The following GALNT14 variants were observed in gnomAD, a reference collection of about 807,000 sequenced individuals.
GALNT14 encodes polypeptide N-acetylgalactosaminyltransferase 14, also known as UDP-GalNAc:polypeptide N-acetylgalactosaminyltransferase 14.
A neutral mutation model predicts 77.5 loss-of-function variants in GALNT14; 60 were observed. The observed-to-expected ratio is 0.77, with a 90% CI of 0.63 to 0.96. GALNT14 has a LOEUF of 0.96. Among genes scored for constraint, GALNT14 ranks in the 40% least tolerant of loss-of-function variants. The probability of loss-of-function intolerance (pLI) is 0.00; values close to 1 mark genes in which losing one functional copy is unlikely to be tolerated. For synonymous variants in GALNT14, 280 were observed against 281.7 expected (o/e 0.99, Z 0.06); for missense variants, 710 against 731.0 (o/e 0.97, Z 0.33).
chr2:30,985,471 A>G (rs1669241476), intron 2 of GALNT14, among the ~76,000 whole-genome samples: 1 of 152,146 alleles, frequency 6.6e-6, no homozygotes, highest in Admixed American at 6.5e-5. Flanking sequence ...GGCCAAGACA[A>G]AAATAACTAC....
chr2:30,950,159 T>C (rs1666942164), intron 6 of GALNT14, among the ~76,000 whole-genome samples: 1 of 152,242 alleles, frequency 6.6e-6, no homozygotes, highest in Admixed American at 6.5e-5. Context: ...GAAGAATATG[T>C]AAGCTATGAT....
chr2:31,038,385 C>T (rs776428735), intron 1 of GALNT14, among the ~76,000 whole-genome samples: 6 of 151,964 alleles, frequency 3.9e-5, no homozygotes, highest in Non-Finnish European at 8.8e-5. Flanking sequence ...TGAGCCACCG[C>T]ACCCAGCATT....
intron 2 of GALNT14, among the ~76,000 whole-genome samples, chr2:30,973,821 G>C (rs1668492088): frequency 6.6e-6 from 1 of 152,112 alleles, no homozygotes; most frequent in Admixed American, 6.5e-5. Context: ...CCTCACTTTG[G>C]TTACAGAAAT....
At chr2:30,993,088 C>CA (rs2148405248) in intron 1 of GALNT14, 81 bp from the exon 2 acceptor site, 1 of 1,461,724 alleles carries the variant, frequency 6.8e-7, no homozygotes, top group East Asian at 2.4e-5. Context: ...TACCCAACCC[C>CA]AGAGACCAGG....
chr2:31,001,958 T>A (rs1473624880), intron 1 of GALNT14, among the ~76,000 whole-genome samples: 1 of 152,132 alleles, frequency 6.6e-6, no homozygotes, highest in African/African-American at 2.4e-5. Flanking sequence ...ATAATAATGA[T>A]GGAAAGTCAA....
intron 1 of GALNT14, among the ~76,000 whole-genome samples, chr2:31,000,349 T>C (rs996815391): frequency 2.6e-5 from 4 of 152,168 alleles, no homozygotes; most frequent in African/African-American, 9.7e-5. Context: ...ATGAAATTAA[T>C]AAAAGTATTA....
intron 1 of GALNT14, among the ~76,000 whole-genome samples, chr2:31,029,112 A>G (rs1672255011): frequency 6.6e-6 from 1 of 152,220 alleles, no homozygotes. Flanking sequence ...AAATTGGCCC[A>G]GAAGACAAGA....
At chr2:31,134,000 T>G (rs1679105822) in intron 1 of GALNT14, among the ~76,000 whole-genome samples, 1 of 152,190 alleles carries the variant, frequency 6.6e-6, no homozygotes. Flanking sequence ...GTAGCATGCC[T>G]TCTTCACTTC....
At chr2:31,015,041 G>A (rs937272310) in intron 1 of GALNT14, among the ~76,000 whole-genome samples, 1 of 152,184 alleles carries the variant, frequency 6.6e-6, no homozygotes, top group African/African-American at 2.4e-5. Context: ...TGTAATCCCA[G>A]CACTTTGGGA....
At chr2:30,965,070 G>A (rs77407098) in intron 3 of GALNT14, among the ~76,000 whole-genome samples, 1,935 of 152,190 alleles carry the variant, frequency 0.013, 31 homozygotes, top group African/African-American at 0.044. Context: ...GGACATGGAG[G>A]TACTGGGGGT....
At chr2:30,938,050 C>A (rs985193988) in intron 9 of GALNT14, among the ~76,000 whole-genome samples, 1 of 150,774 alleles carries the variant, frequency 6.6e-6, no homozygotes, top group Non-Finnish European at 1.5e-5. Flanking sequence ...CCCCCCACCA[C>A]ACACATACTT....
intron 1 of GALNT14, among the ~76,000 whole-genome samples, chr2:31,007,271 T>G (rs1322374852): frequency 6.6e-6 from 1 of 152,158 alleles, no homozygotes; most frequent in Non-Finnish European, 1.5e-5. Flanking sequence ...AAATCCTACA[T>G]GCCTGATCTC....
At chr2:30,993,212 C>T (rs533653143) in intron 1 of GALNT14, among the ~76,000 whole-genome samples, 1 of 152,302 alleles carries the variant, frequency 6.6e-6, no homozygotes, top group Admixed American at 6.5e-5. Context: ...ATTTTCTGAG[C>T]ACTTCTATAT....
chr2:31,078,791 G>T, intron 1 of GALNT14: 1 of 558,818 alleles, frequency 1.8e-6, no homozygotes, highest in Non-Finnish European at 2.8e-6. Flanking sequence ...CAGCATCCGA[G>T]AACAGCACAG....
chr2:30,960,091 T>C (rs1396596239), intron 3 of GALNT14, among the ~76,000 whole-genome samples: 1 of 152,176 alleles, frequency 6.6e-6, no homozygotes, highest in African/African-American at 2.4e-5. Context: ...TAGTATCAGA[T>C]GGAGAGAGGA....
At chr2:31,033,713 A>C (rs1862964) in intron 1 of GALNT14, among the ~76,000 whole-genome samples, 71,561 of 151,810 alleles carry the variant, frequency 0.47, 17,427 homozygotes, top group African/African-American at 0.6. Flanking sequence ...GTCTTTGTCC[A>C]TCCTATCCCC....
chr2:31,070,614 G>A (rs777884810), intron 1 of GALNT14, among the ~76,000 whole-genome samples: 7 of 152,224 alleles, frequency 4.6e-5, no homozygotes, highest in African/African-American at 7.2e-5. Context: ...CAGCACAGCC[G>A]AAACAAACAA....
At chr2:31,115,121 A>T (rs2148630066) in intron 1 of GALNT14, among the ~76,000 whole-genome samples, 1 of 152,112 alleles carries the variant, frequency 6.6e-6, no homozygotes, top group East Asian at 1.9e-4. Context: ...AGAGTGCCAC[A>T]TGTCTGTAGT....
chr2:31,087,489 A>AGAGAGGAGAG (rs1453043367), intron 1 of GALNT14, among the ~76,000 whole-genome samples: 1 of 151,564 alleles, frequency 6.6e-6, no homozygotes, highest in African/African-American at 2.4e-5. Context: ...GGAGAGGAGA[A>AGAGAGGAGAG]GAGAGGAGAG....
Sources: allele counts gnomAD v4.1 joint callset (sites outside exome capture counted in the v4.1 genomes callset), GRCh38; gene constraint gnomAD v4.1.1; transcripts MANE v1.5; gene names NCBI Gene and HGNC (gene_info 2026-07-23, HGNC 2026-07-21).